The following ARID5B variants were observed in gnomAD, a reference collection of about 807,000 sequenced individuals.
ARID5B encodes the protein AT-rich interactive domain-containing protein 5B.
ARID5B carries 13 observed loss-of-function variants against 97.2 expected under a neutral mutation model. The ratio of observed to expected loss-of-function variants is 0.13; its 90% CI spans 0.09 to 0.21. The LOEUF is 0.21. ARID5B is among the 10% of genes least tolerant of loss of function. The probability of loss-of-function intolerance (pLI) is 1.00; values close to 1 mark genes in which losing one functional copy is unlikely to be tolerated. For synonymous variants in ARID5B, 556 were observed against 570.3 expected (o/e 0.97, Z 0.36); for missense variants, 1,210 against 1,465.3 (o/e 0.83, Z 2.84).
At chr10:62,018,617 C>T (rs1303453967) in intron 4 of ARID5B, among the ~76,000 whole-genome samples, 1 of 150,464 alleles carries the variant, frequency 6.6e-6, no homozygotes, top group Non-Finnish European at 1.5e-5. Flanking sequence ...CTCCCCCGCC[C>T]CCACCACTGT....
At chr10:61,952,928 C>T (rs916246603) in intron 3 of ARID5B, among the ~76,000 whole-genome samples, 4 of 151,794 alleles carry the variant, frequency 2.6e-5, no homozygotes, top group Non-Finnish European at 4.4e-5. Flanking sequence ...GAATCTTCTT[C>T]GTGTTTCAGG....
chr10:62,061,754 G>T (rs1476892765), intron 7 of ARID5B, among the ~76,000 whole-genome samples: 1 of 152,160 alleles, frequency 6.6e-6, no homozygotes, highest in Non-Finnish European at 1.5e-5. Flanking sequence ...TAAGGGGAGG[G>T]CAGAGAACTC....
Position 62,048,742 on chromosome 10 carries a change from C to T in ARID5B, c.734-2146C>T, listed in dbSNP as rs1194619717. On this transcript the variant is annotated intron_variant, in intron 4 of 9. Coordinates refer to ENST00000279873, the MANE Select transcript of ARID5B (RefSeq NM_032199.3). ...TGCCTTTATTTAAAAACAGCATGTT[C>T]GATGCAAGTTCTGTCGAAAAGGCCT... Among the ~76,000 whole-genome samples the T allele has an allele frequency of 7.9e-5, 12 of 152,248 alleles. No homozygotes were observed. In the South Asian group the frequency reaches 8.3e-4, roughly 11 times the overall value.
At chr10:61,904,301 A>G (rs1349720865) in intron 2 of ARID5B, among the ~76,000 whole-genome samples, 1 of 151,930 alleles carries the variant, frequency 6.6e-6, no homozygotes, top group African/African-American at 2.4e-5. Flanking sequence ...TGAAATTGGG[A>G]TGTTTTTTAA....
At chr10:62,004,795 A>C (rs1331057742) in intron 4 of ARID5B, among the ~76,000 whole-genome samples, 1 of 152,210 alleles carries the variant, frequency 6.6e-6, no homozygotes, top group Non-Finnish European at 1.5e-5. Flanking sequence ...TTGATTTCAC[A>C]TGTGTGAAGT....
chr10:61,953,450 C>CT (rs535536525), intron 3 of ARID5B, among the ~76,000 whole-genome samples: 10 of 148,420 alleles, frequency 6.7e-5, no homozygotes, highest in Middle Eastern at 3.4e-3. Context: ...GGTTTCTTTT[C>CT]TTTTTTTTTT....
chr10:61,916,929 A>T (rs1564600704), intron 2 of ARID5B, among the ~76,000 whole-genome samples: 1 of 152,146 alleles, frequency 6.6e-6, no homozygotes, highest in Non-Finnish European at 1.5e-5. Context: ...TCAATGAGTG[A>T]CTGGGCCAGG....
chr10:62,006,433 A>T (rs1307854548), intron 4 of ARID5B, among the ~76,000 whole-genome samples: 2 of 152,024 alleles, frequency 1.3e-5, no homozygotes, highest in African/African-American at 4.8e-5. Context: ...CAGAGCAAAA[A>T]CTCCGTTTCA....
intron 3 of ARID5B, among the ~76,000 whole-genome samples, chr10:61,961,014 G>A (rs1290095119): frequency 1.3e-5 from 2 of 152,188 alleles, no homozygotes; most frequent in African/African-American, 4.8e-5. Flanking sequence ...AATCCCAGGT[G>A]CTTATGGACA....
intron 3 of ARID5B, among the ~76,000 whole-genome samples, chr10:61,968,237 C>T (rs936312697): frequency 6.7e-6 from 1 of 150,320 alleles, no homozygotes; most frequent in East Asian, 1.9e-4. Flanking sequence ...CCAGGCAGTA[C>T]TTACCCCTTA....
chr10:61,929,042 G>A (rs1467470526), intron 2 of ARID5B, among the ~76,000 whole-genome samples: 1 of 152,172 alleles, frequency 6.6e-6, no homozygotes, highest in Non-Finnish European at 1.5e-5. Flanking sequence ...ACATGCACCT[G>A]CCAGGAATGG....
intron 3 of ARID5B, among the ~76,000 whole-genome samples, chr10:61,943,662 A>T (rs747388202): frequency 2.3e-4 from 35 of 152,168 alleles, no homozygotes; most frequent in Non-Finnish European, 5.0e-4. Context: ...TCATTAAAGC[A>T]CTTTTCTTGC....
intron 3 of ARID5B, among the ~76,000 whole-genome samples, chr10:61,952,370 T>C (rs1327646076): frequency 6.6e-6 from 1 of 152,238 alleles, no homozygotes; most frequent in African/African-American, 2.4e-5. Flanking sequence ...GCTCTTATCT[T>C]ATCACATTTA....
chr10:62,058,142 A>T, intron 6 of ARID5B, among the ~76,000 whole-genome samples: 1 of 152,218 alleles, frequency 6.6e-6, no homozygotes, highest in East Asian at 1.9e-4. Context: ...ATTGGCACTG[A>T]TTGCAGGAGA....
chr10:61,979,173 A>T (rs1455337985), intron 3 of ARID5B, among the ~76,000 whole-genome samples: 2 of 152,166 alleles, frequency 1.3e-5, no homozygotes, highest in Non-Finnish European at 2.9e-5. Context: ...GCAGCACTGG[A>T]CAGTGATGCA....
chr10:62,089,298 A>G (rs1840334902), intron 9 of ARID5B, among the ~76,000 whole-genome samples: 1 of 152,170 alleles, frequency 6.6e-6, no homozygotes, highest in Non-Finnish European at 1.5e-5. Context: ...TCTCTTAGGT[A>G]TAACATGTCC....
At chr10:61,965,694 C>A (rs1838535809) in intron 3 of ARID5B, among the ~76,000 whole-genome samples, 3 of 152,030 alleles carry the variant, frequency 2.0e-5, no homozygotes, top group Non-Finnish European at 2.9e-5. Context: ...GCAAGAACTA[C>A]TTTAGTAAAT....
At chr10:61,909,099 A>G (rs918033023) in intron 2 of ARID5B, among the ~76,000 whole-genome samples, 4 of 152,138 alleles carry the variant, frequency 2.6e-5, no homozygotes, top group Non-Finnish European at 5.9e-5. Flanking sequence ...AGCATGAACA[A>G]GACAGACAAA....
At chr10:61,989,186 C>T (rs1288496755) in intron 3 of ARID5B, among the ~76,000 whole-genome samples, 1 of 152,122 alleles carries the variant, frequency 6.6e-6, no homozygotes, top group Admixed American at 6.5e-5. Flanking sequence ...ACCTCAGCCT[C>T]CCAAAGTGCT....
Sources: gnomAD v4.1 joint callset for allele counts (sites outside exome capture counted in the v4.1 genomes callset) on GRCh38, gnomAD v4.1.1 for gene constraint, MANE v1.5 for transcripts, NCBI Gene and HGNC (gene_info 2026-07-23, HGNC 2026-07-21) for gene names.